Variants in ANKRD12 observed in about 807,000 individuals in gnomAD.
The protein encoded by ANKRD12 is ankyrin repeat domain 12.
In ANKRD12, 85 loss-of-function variants were observed where a neutral mutation model predicts 183.4. The ratio of observed to expected loss-of-function variants is 0.46; its 90% confidence interval spans 0.39 to 0.56. The LOEUF is 0.56. Ranked by LOEUF, ANKRD12 falls within the 20% of genes least tolerant of loss-of-function variation. ANKRD12 has a pLI of 0.00. For missense variants in ANKRD12, 2,405 were observed against 2,357.1 expected, an observed-to-expected ratio of 1.02 and a Z score of -0.42; for synonymous variants, 914 against 800.2, an observed-to-expected ratio of 1.14 and a Z score of -2.40.
rs771926418 is a variant in ANKRD12 at position 9,255,375 on chromosome 18, G to A, written c.2108G>A (p.Ser703Asn). 37 of 1,605,618 alleles carry A rather than the reference G, an allele frequency of 2.3e-5. No homozygotes were observed. In the South Asian group the frequency reaches 3.8e-4, roughly 17 times the overall value. Residue 703 changes from serine (S) to asparagine (N), a missense_variant, in exon 9 of 13, where the codon AGT becomes AAT. Ser to Asn is a conservative substitution (Grantham distance 46, BLOSUM62 1). This residue lies in a region of ANKRD12 where 1,983 missense variants were observed against 1,725.9 expected (regional missense o/e 1.15). Coordinates refer to ENST00000262126, the MANE Select transcript of ANKRD12 (RefSeq NM_015208.5). ...REFWKENFFK[S>N]DETEDLFLNM... ...TTTTGGAAAGAGAATTTTTTTAAAA[G>A]TGATGAAACTGAAGATCTCTTTTTA...
In ANKRD12 at chr18:9,255,438, C is replaced by T. The variant is rs1278671700; in HGVS notation, c.2171C>T (p.Ser724Leu). Residue 724 changes from serine (S) to leucine (L), a missense_variant, in exon 9 of 13, where the codon TCA (serine) becomes TTA (leucine). Around this residue, in one of 7 missense-constraint regions of ANKRD12, gnomAD observed 1,983 missense variants for 1,725.9 expected, o/e 1.15. Coordinates refer to ENST00000262126, the MANE Select transcript of ANKRD12 (RefSeq NM_015208.5). The part of the protein sequence containing the change: ...EHESLTLEKK[S>L]KLEKNIKDDK... ...GAATCCTTAACATTAGAAAAAAAAT[C>T]AAAATTGGAAAAAAACATCAAAGAT... 4 of 1,560,174 alleles carry T rather than the reference C, an allele frequency of 2.6e-6. No homozygotes were observed. Among genetic ancestry groups the T allele is most frequent in the Non-Finnish European group, 3.4e-6 (4 of 1,161,988 alleles).
intron 9 of ANKRD12, among the ~76,000 whole-genome samples, chr18:9,261,439 G>A (rs192346307): frequency 6.6e-6 from 1 of 152,298 alleles, no homozygotes; most frequent in East Asian, 1.9e-4. Context: ...GTTCTTGGAA[G>A]CATTTTTGTA....
chr18:9,185,137 GGAT>G (rs1470501601), intron 2 of ANKRD12, among the ~76,000 whole-genome samples: 2 of 152,204 alleles, frequency 1.3e-5, no homozygotes, highest in Non-Finnish European at 2.9e-5. Flanking sequence ...ACTTCAGTTG[GGAT>G]GTAGCCTATG....
At chr18:9,194,025 C>A (rs2034620517) in intron 2 of ANKRD12, among the ~76,000 whole-genome samples, 1 of 152,080 alleles carries the variant, frequency 6.6e-6, no homozygotes, top group African/African-American at 2.4e-5. Flanking sequence ...ATTATAAATC[C>A]ATTTCTGGTT....
chr18:9,142,864 A>ACAGAGTGATACTGCC (rs1491538117), intron 1 of ANKRD12, among the ~76,000 whole-genome samples: 1 of 138,118 alleles, frequency 7.2e-6, no homozygotes, highest in Non-Finnish European at 1.6e-5. Flanking sequence ...AGCCTGGGAG[A>ACAGAGTGATACTGCC]CAGAGTGATA....
intron 7 of ANKRD12, among the ~76,000 whole-genome samples, chr18:9,221,219 G>T (rs1209234139): frequency 1.3e-5 from 2 of 152,152 alleles, no homozygotes; most frequent in Non-Finnish European, 2.9e-5. Context: ...GCAGAACCTG[G>T]TTATGTGGAA....
intron 7 of ANKRD12, among the ~76,000 whole-genome samples, chr18:9,217,535 A>G (rs926692309): frequency 6.0e-4 from 91 of 152,318 alleles, no homozygotes; most frequent in African/African-American, 1.7e-3. Context: ...CCTAAAATTC[A>G]GAAATTAAAA....
rs1253295873 is a variant in ANKRD12 at position 9,256,817 on chromosome 18, A to G, written c.3550A>G (p.Asn1184Asp). The G allele has an allele frequency of 1.2e-6, 2 of 1,613,986 alleles. No individual in the cohort carries two copies. Residue 1184 changes from asparagine to aspartate, a missense_variant, in exon 9 of 13, where the codon AAT becomes GAT. Around this residue, in one of 7 missense-constraint regions of ANKRD12, gnomAD observed 1,983 missense variants for 1,725.9 expected, o/e 1.15. Transcript: ENST00000262126. The part of the protein sequence containing the change: ...TLGKSSFVSD[N>D]SLNRSPRSEN... ...AGGGAAGTCATCTTTTGTTTCAGAT[A>G]ATAGCTTAAACAGGTCTCCTAGATC...
chr18:9,247,502 G>A (rs2038032608), intron 8 of ANKRD12, among the ~76,000 whole-genome samples: 1 of 151,964 alleles, frequency 6.6e-6, no homozygotes, highest in Admixed American at 6.6e-5. Flanking sequence ...TTAAATTATA[G>A]GGCTGCTTCT....
intron 9 of ANKRD12, among the ~76,000 whole-genome samples, chr18:9,261,673 T>C (rs868697929): frequency 1.8e-4 from 28 of 152,222 alleles, no homozygotes; most frequent in African/African-American, 6.3e-4. Flanking sequence ...GCAATTACTT[T>C]TGCACCAACC....
At chr18:9,151,216 A>G (rs2078675520) in intron 1 of ANKRD12, among the ~76,000 whole-genome samples, 2 of 152,118 alleles carry the variant, frequency 1.3e-5, no homozygotes, top group Admixed American at 6.5e-5. Context: ...TTTTTCCAGT[A>G]TTTTTTTCAA....
intron 9 of ANKRD12, among the ~76,000 whole-genome samples, chr18:9,261,309 A>G (rs1421855392): frequency 6.6e-6 from 1 of 152,226 alleles, no homozygotes; most frequent in Non-Finnish European, 1.5e-5. Context: ...TGGTCAAATA[A>G]GTTTGGGAAG....
At chr18:9,173,420 T>C (rs1230329380) in intron 1 of ANKRD12, among the ~76,000 whole-genome samples, 1 of 152,120 alleles carries the variant, frequency 6.6e-6, no homozygotes, top group African/African-American at 2.4e-5. Context: ...GTTGATACTC[T>C]TGTTGTTGTT....
intron 1 of ANKRD12, among the ~76,000 whole-genome samples, chr18:9,177,328 C>G (rs2033352972): frequency 6.6e-6 from 1 of 152,190 alleles, no homozygotes; most frequent in Non-Finnish European, 1.5e-5. Flanking sequence ...TCCCCTCTCT[C>G]CCTCCAGCCA....
At chr18:9,226,681 C>G (rs1440703522) in intron 8 of ANKRD12, among the ~76,000 whole-genome samples, 4 of 148,938 alleles carry the variant, frequency 2.7e-5, no homozygotes, top group African/African-American at 1.0e-4. Flanking sequence ...TCCAGCAGCA[C>G]CTAGACTGTG....
Position 9,255,928 on chromosome 18 carries a change from G to A in ANKRD12, c.2661G>A (p.Lys887=). Reference sequence around the variant, plus strand: ...AAAAATGCCATAAAGAAGGTGAGAAGAGCAAAAATACTGCTGCTATTAAAA... The same window carrying A: ...AAAAATGCCATAAAGAAGGTGAGAAAAGCAAAAATACTGCTGCTATTAAAA... The part of the protein sequence containing the change: ...HTEKCHKEGE[K]SKNTAAIKKT... Residue 887 remains lysine (K), a synonymous_variant, in exon 9 of 13, where the codon AAG becomes AAA. Transcript: ENST00000262126. 1.9e-6 allele frequency: 3 copies of A among 1,588,518 alleles called. No homozygotes were observed. Among genetic ancestry groups the A allele is most frequent in the Non-Finnish European group, 2.6e-6 (3 of 1,173,140 alleles).
intron 10 of ANKRD12, among the ~76,000 whole-genome samples, chr18:9,267,844 G>GA (rs1032830680): frequency 6.0e-5 from 9 of 148,968 alleles, no homozygotes; most frequent in Non-Finnish European, 1.3e-4. Flanking sequence ...CTGGTTTTTT[G>GA]AAAAGATCAA....
rs376450823 is a variant in ANKRD12 at position 9,272,059 on chromosome 18, A to G, written c.5764-3465A>G. 2.4e-4 allele frequency among the ~76,000 whole-genome samples: 37 copies of G among 152,284 alleles called. No individual in the cohort carries two copies. In the South Asian group the frequency reaches 5.4e-3, roughly 22 times the overall value. On this transcript the variant is annotated intron_variant, in intron 10 of 12. Coordinates refer to ENST00000262126, the MANE Select transcript of ANKRD12 (RefSeq NM_015208.5). Reference sequence around the variant, plus strand: ...TCAGAACTTCCCCATGCTGCACTCTATCACCCAAGAAACTAAGAGGAAGCA... The same window carrying G: ...TCAGAACTTCCCCATGCTGCACTCTGTCACCCAAGAAACTAAGAGGAAGCA...
chr18:9,206,972 T>C (rs368599059), intron 4 of ANKRD12, among the ~76,000 whole-genome samples: 1 of 152,244 alleles, frequency 6.6e-6, no homozygotes, highest in East Asian at 1.9e-4. Context: ...ATTTTATTTC[T>C]TGTCTTTGAA....
Sources: allele counts gnomAD v4.1 joint callset (sites outside exome capture counted in the v4.1 genomes callset), GRCh38; gene constraint gnomAD v4.1.1; regional missense constraint gnomAD v4.1.1; transcripts MANE v1.5; gene names NCBI Gene and HGNC (gene_info 2026-07-23, HGNC 2026-07-21).